SIL1: variants seen among roughly 807,000 people sequenced by gnomAD.
SIL1 encodes the protein SIL1 nucleotide exchange factor, also known as nucleotide exchange factor SIL1.
In SIL1, 40 loss-of-function variants were observed where a neutral mutation model predicts 49.1. The ratio of observed to expected loss-of-function variants is 0.81; its 90% confidence interval spans 0.63 to 1.06. The LOEUF (loss-of-function observed/expected upper bound fraction) is 1.06. Ranked by LOEUF, SIL1 falls within the 50% of genes least tolerant of loss-of-function variation. The pLI, the probability that SIL1 is intolerant of heterozygous loss-of-function variation, is 0.00. For synonymous variants in SIL1, 253 were observed against 250.8 expected (o/e 1.01, Z -0.08); for missense variants, 500 against 572.6 (o/e 0.87, Z 1.29).
chr5:139,026,448 A>C (rs1397814446), intron 6 of SIL1, among the ~76,000 whole-genome samples: 2 of 152,080 alleles, frequency 1.3e-5, no homozygotes, highest in African/African-American at 4.8e-5. Context: ...TCAAAAATAC[A>C]AAAAATTAGC....
intron 1 of SIL1, among the ~76,000 whole-genome samples, chr5:139,136,863 A>G (rs1000337584): frequency 6.6e-6 from 1 of 152,232 alleles, no homozygotes; most frequent in Non-Finnish European, 1.5e-5. Flanking sequence ...AATACCATAC[A>G]TAAGTTCCTA....
At chr5:139,043,779 C>G (rs568469131) in intron 4 of SIL1, among the ~76,000 whole-genome samples, 1 of 152,334 alleles carries the variant, frequency 6.6e-6, no homozygotes, top group South Asian at 2.1e-4. Flanking sequence ...CACTAGCATT[C>G]ATTTTAGTTC....
intron 1 of SIL1, among the ~76,000 whole-genome samples, chr5:139,198,056 G>A (rs1752314295): frequency 6.6e-6 from 1 of 152,212 alleles, no homozygotes; most frequent in Non-Finnish European, 1.5e-5. Flanking sequence ...AGAGGTGAAT[G>A]GAGACATTCT....
At chr5:139,145,362 C>CA (rs1751171016) in intron 1 of SIL1, among the ~76,000 whole-genome samples, 1 of 152,202 alleles carries the variant, frequency 6.6e-6, no homozygotes, top group African/African-American at 2.4e-5. Context: ...CTGGAACCCT[C>CA]ATACATCACT....
At chr5:139,030,658 TG>T (rs140691166) in intron 5 of SIL1, among the ~76,000 whole-genome samples, 3 of 151,356 alleles carry the variant, frequency 2.0e-5, no homozygotes, top group Admixed American at 1.3e-4. Context: ...TTCTTTTTTT[TG>T]GGGGGTAGAA....
intron 7 of SIL1, among the ~76,000 whole-genome samples, chr5:138,983,922 G>A (rs1485565481): frequency 6.6e-6 from 1 of 152,226 alleles, no homozygotes; most frequent in Non-Finnish European, 1.5e-5. Flanking sequence ...CTGGGCATCA[G>A]GCAGATAGGT....
intron 7 of SIL1, among the ~76,000 whole-genome samples, chr5:139,008,186 T>C (rs986304301): frequency 3.3e-5 from 5 of 151,612 alleles, no homozygotes; most frequent in Non-Finnish European, 5.9e-5. Flanking sequence ...TGGTTTAGTC[T>C]TGGGAGAGTG....
At chr5:139,116,340 G>A (rs537739418) in intron 3 of SIL1, among the ~76,000 whole-genome samples, 13 of 152,032 alleles carry the variant, frequency 8.6e-5, no homozygotes, top group Admixed American at 5.2e-4. Context: ...TCACATGAAC[G>A]TGTTCCTGCA....
chr5:139,008,938 G>C (rs1581026158), intron 7 of SIL1, among the ~76,000 whole-genome samples: 1 of 151,156 alleles, frequency 6.6e-6, no homozygotes, highest in South Asian at 2.1e-4. Flanking sequence ...TGTATATTCT[G>C]TTGATTTGGG....
In SIL1 at chr5:139,121,170, C is replaced by G; in HGVS notation, c.109G>C (p.Glu37Gln). 6.2e-7 allele frequency: 1 copy of G among 1,614,036 alleles called. No individual in the cohort carries two copies. ...TFCLSHQNLK[E>Q]FALTNPEKSS... ...TTCTCTGGGTTGGTCAGGGCAAACT[C>G]CTTCTGAGAAAAGAAAACACAGGGC... The change falls in exon 3 of 10, where the codon GAG becomes CAG. Residue 37 changes from glutamate (E) to glutamine (Q), a missense_variant. Transcript: ENST00000394817.
intron 5 of SIL1, among the ~76,000 whole-genome samples, chr5:139,034,098 TTAATC>T (rs1279110100): frequency 1.3e-5 from 2 of 152,174 alleles, no homozygotes; most frequent in Admixed American, 6.5e-5. Context: ...ATAATTTCCT[TTAATC>T]TAAAGTCAAC....
intron 1 of SIL1, among the ~76,000 whole-genome samples, chr5:139,136,427 C>T (rs918410825): frequency 2.6e-5 from 4 of 152,138 alleles, no homozygotes; most frequent in South Asian, 2.1e-4. Flanking sequence ...AGGAGCAGAG[C>T]GACTATCTTT....
In SIL1 at chr5:139,057,314, T is replaced by TTAAAA. The variant is rs781049621; in HGVS notation, c.245-6269_245-6268insTTTTA. 2.8e-3 allele frequency among the ~76,000 whole-genome samples: 207 copies of TTAAAA among 73,292 alleles called. 18 individuals carry two copies. Among genetic ancestry groups the TTAAAA allele is most frequent in the Middle Eastern group, 0.014 (2 of 138 alleles). 48.1% of individuals were successfully genotyped at this position (73,292 alleles called of 152,430 possible). On this transcript the variant is annotated intron_variant, in intron 3 of 9. Transcript: ENST00000394817. Reference sequence around the variant, plus strand: ...GCGAGAAACACCCAAGAATGATCAATAAAAAAAAAAAAAAGAAAAGAAAAG... The same window carrying TTAAAA: ...GCGAGAAACACCCAAGAATGATCAATTAAAAAAAAAAAAAAAAAAGAAAAGAAAAG...
chr5:139,086,286 A>AAGAAG (rs539974032), intron 3 of SIL1, among the ~76,000 whole-genome samples: 5 of 145,166 alleles, frequency 3.4e-5, no homozygotes, highest in African/African-American at 5.1e-5. Flanking sequence ...AAAAAAAAAA[A>AAGAAG]AAGAAGAAGA....
intron 1 of SIL1, among the ~76,000 whole-genome samples, chr5:139,180,834 T>C (rs1751970118): frequency 6.6e-6 from 1 of 152,108 alleles, no homozygotes; most frequent in Non-Finnish European, 1.5e-5. Context: ...CATCACACCA[T>C]CAGAAAGACA....
chr5:139,159,396 G>A (rs923390690), intron 1 of SIL1, among the ~76,000 whole-genome samples: 11 of 152,200 alleles, frequency 7.2e-5, no homozygotes, highest in African/African-American at 1.9e-4. Context: ...TTTCTGAAAC[G>A]TAAGACCATG....
intron 3 of SIL1, among the ~76,000 whole-genome samples, chr5:139,076,223 T>C (rs1769945513): frequency 6.6e-6 from 1 of 152,130 alleles, no homozygotes; most frequent in African/African-American, 2.4e-5. Context: ...CTCTCAGGGG[T>C]TCTGCTGACA....
At chr5:139,167,156 T>C (rs1751640535) in intron 1 of SIL1, among the ~76,000 whole-genome samples, 1 of 151,924 alleles carries the variant, frequency 6.6e-6, no homozygotes, top group African/African-American at 2.4e-5. Flanking sequence ...GGTTTCGCCA[T>C]GTTGCCCAGG....
chr5:139,151,612 G>A (rs368174748), intron 1 of SIL1, among the ~76,000 whole-genome samples: 10 of 152,138 alleles, frequency 6.6e-5, no homozygotes, highest in African/African-American at 2.2e-4. Context: ...CTTTCATTAG[G>A]TAGGTACAAG....
Sources: gnomAD v4.1 joint callset for allele counts (sites outside exome capture counted in the v4.1 genomes callset) on GRCh38, gnomAD v4.1.1 for gene constraint, MANE v1.5 for transcripts, NCBI Gene and HGNC (gene_info 2026-07-23, HGNC 2026-07-21) for gene names.